Variants in RAI1 observed in about 807,000 individuals in gnomAD.
RAI1 encodes the protein retinoic acid-induced protein 1.
RAI1 carries 9 observed loss-of-function variants against 123.8 expected under a neutral mutation model. The ratio of observed to expected loss-of-function variants is 0.07; its 90% CI spans 0.04 to 0.13. The LOEUF (loss-of-function observed/expected upper bound fraction) is 0.13, where lower values mean the gene tolerates loss of function less well. Among genes scored for constraint, RAI1 ranks in the 10% least tolerant of loss-of-function variants. RAI1 has a pLI of 1.00. For synonymous variants in RAI1, 1,231 were observed against 1,127.3 expected, an observed-to-expected ratio of 1.09 and a Z score of -1.84; for missense variants, 2,256 against 2,545.8, an observed-to-expected ratio of 0.89 and a Z score of 2.45.
chr17:17,695,677 C>A (rs1251721719), intron 1 of RAI1, among the ~76,000 whole-genome samples: 1 of 152,182 alleles, frequency 6.6e-6, no homozygotes, highest in African/African-American at 2.4e-5. Context: ...CAGGCACTTA[C>A]CACGGCTAAT....
intron 4 of RAI1, among the ~76,000 whole-genome samples, chr17:17,806,434 C>T (rs1209168573): frequency 6.6e-6 from 1 of 152,194 alleles, no homozygotes; most frequent in East Asian, 1.9e-4. Flanking sequence ...GGCACAGAAT[C>T]CATGGGACTT....
At position 17,794,687 on chromosome 17, in the gene RAI1, C is replaced by T. The variant is rs200760499; in HGVS notation, c.1739C>T (p.Pro580Leu). The T allele has an allele frequency of 8.7e-6, 14 of 1,612,770 alleles. No homozygotes were observed. Among genetic ancestry groups the T allele is most frequent in the South Asian group, 2.2e-5 (2 of 91,090 alleles). ...DSFQSLHGSL[P>L]LDSFSKFVAG... ...TTCCAGAGCCTACACGGCAGTCTGC[C>T]GCTCGACAGCTTCTCCAAGTTCGTG... Residue 580 changes from proline to leucine, a missense_variant, in exon 3 of 6, where the codon CCG becomes CTG. Physicochemically the swap from Pro to Leu is moderately conservative, Grantham distance 98. Around this residue, in one of 7 missense-constraint regions of RAI1, gnomAD observed 357 missense variants for 480.2 expected, o/e 0.74. Coordinates refer to ENST00000353383, the MANE Select transcript of RAI1 (RefSeq NM_030665.4).
intron 1 of RAI1, among the ~76,000 whole-genome samples, chr17:17,689,424 C>T (rs1375337726): frequency 1.3e-5 from 2 of 152,148 alleles, no homozygotes; most frequent in African/African-American, 4.8e-5. Context: ...TACTAGTTTT[C>T]TGGCCAGAGT....
At chr17:17,711,700 TGG>T (rs1915572243) in intron 1 of RAI1, among the ~76,000 whole-genome samples, 1 of 151,796 alleles carries the variant, frequency 6.6e-6, no homozygotes, top group Non-Finnish European at 1.5e-5. Flanking sequence ...GTAGGGACCC[TGG>T]GAAGGTCCCA....
Position 17,797,189 on chromosome 17 carries a change from A to G in RAI1, c.4241A>G (p.Asn1414Ser). The change falls in exon 3 of 6, where the codon AAC becomes AGC. Residue 1414 changes from asparagine (N) to serine (S), a missense_variant. By Grantham distance (46) the Asn-to-Ser change is conservative. Transcript: ENST00000353383. ...AGATCCTTAAAAGGCAAACTCATGA[A>G]CAGTAAGAAACTGTCTTCTACTGAC... Reference protein sequence around the residue: ...TNRSLKGKLMNSKKLSSTDCF... With the variant: ...TNRSLKGKLMSSKKLSSTDCF... 6.2e-7 allele frequency: 1 copy of G among 1,613,900 alleles called. No homozygotes were observed. The highest frequency in any genetic ancestry group is 8.5e-7 in the Non-Finnish European group (1 of 1,180,038).
chr17:17,713,641 C>T (rs559292422), intron 1 of RAI1, among the ~76,000 whole-genome samples: 1,695 of 143,900 alleles, frequency 0.012, 18 homozygotes, highest in African/African-American at 0.032. Flanking sequence ...AACTCCATCT[C>T]AAAAAATAAA....
intron 2 of RAI1, among the ~76,000 whole-genome samples, chr17:17,745,591 T>G (rs1020700409): frequency 2.6e-4 from 40 of 152,038 alleles, no homozygotes; most frequent in African/African-American, 9.2e-4. Flanking sequence ...AAAGACAGGG[T>G]TTCACCATGT....
At position 17,793,332 on chromosome 17, in the gene RAI1, C is replaced by T; in HGVS notation, c.384C>T (p.Pro128=). The part of the protein sequence containing the change: ...LQAWGAPQPP[P]PQPQPLPAGV... Reference sequence around the variant, plus strand: ...CTTGGGGGGCCCCACAGCCACCACCCCCACAGCCGCAGCCACTACCTGCAG... The same window carrying T: ...CTTGGGGGGCCCCACAGCCACCACCTCCACAGCCGCAGCCACTACCTGCAG... The change falls in exon 3 of 6, where the codon CCC becomes CCT. Residue 128 remains proline, a synonymous_variant. Transcript: ENST00000353383. The T allele has an allele frequency of 6.2e-7, 1 of 1,612,652 alleles. No homozygotes were observed. The highest frequency in any genetic ancestry group is 8.5e-7 in the Non-Finnish European group (1 of 1,179,784).
At chr17:17,745,057 C>T (rs1271711355) in intron 2 of RAI1, among the ~76,000 whole-genome samples, 1 of 152,028 alleles carries the variant, frequency 6.6e-6, no homozygotes, top group Non-Finnish European at 1.5e-5. Flanking sequence ...ATGACCCCTC[C>T]ATGGGGAGTG....
rs185419722 is a variant in RAI1, at chr17:17,785,210, G to T, written c.-16-7723G>T. Among the ~76,000 whole-genome samples, 8 of 152,348 alleles carry T rather than the reference G, an allele frequency of 5.3e-5. No individual in the cohort carries two copies. The East Asian group carries it at 1.5e-3, about 29-fold the overall frequency. On this transcript the variant is annotated intron_variant, in intron 2 of 5. Transcript: ENST00000353383. ...GGCACTAGGGGCTCTGGAGGAGACA[G>T]CACACACTTTGTCTCTCCTTCCTGA...
Position 17,801,124 on chromosome 17 carries a change from C to T in RAI1, c.5565+2611C>T, listed in dbSNP as rs150600863. On this transcript the variant is annotated intron_variant, in intron 3 of 5. Transcript: ENST00000353383. This position sits in a 1 kb window ranked among gnomAD's most constrained non-coding sequence, Gnocchi z 4.1. The stretch of plus-strand genomic sequence containing the variant: ...AGCTCTCAGGGATACCTTTTTTCCT[C>T]GATGGCCTTTTCTGGGAACTGCCCT... 5.9e-5 allele frequency among the ~76,000 whole-genome samples: 9 copies of T among 152,242 alleles called. No homozygotes were observed. The highest frequency in any genetic ancestry group is 1.4e-4 in the African/African-American group (6 of 41,532).
rs568617634 is a variant in RAI1 at position 17,775,694 on chromosome 17, C to G, written c.-16-17239C>G. 1.2e-3 allele frequency among the ~76,000 whole-genome samples: 178 copies of G among 151,926 alleles called. 1 individual carries two copies. The highest frequency in any genetic ancestry group is 4.1e-3 in the African/African-American group (171 of 41,402). On this transcript the variant is annotated intron_variant, in intron 2 of 5. Coordinates refer to ENST00000353383, the MANE Select transcript of RAI1 (RefSeq NM_030665.4). ...TCATCGTGAAGGTCTTCATCCTCGCCGTCTTTGTATTGAGTAGACTGGGGC... is the reference window on the plus strand; with the variant it reads ...TCATCGTGAAGGTCTTCATCCTCGCGGTCTTTGTATTGAGTAGACTGGGGC...
chr17:17,805,487 C>G (rs988423741), intron 4 of RAI1, among the ~76,000 whole-genome samples: 5 of 152,154 alleles, frequency 3.3e-5, no homozygotes, highest in Admixed American at 6.5e-5. Flanking sequence ...TCCAGGCCCC[C>G]CCAGGCTCCC....
At chr17:17,708,406 A>G (rs988461413) in intron 1 of RAI1, among the ~76,000 whole-genome samples, 5 of 134,012 alleles carry the variant, frequency 3.7e-5, no homozygotes, top group Non-Finnish European at 8.2e-5. Flanking sequence ...TCTCATATAT[A>G]TATATACACA....
chr17:17,752,476 G>C lies in RAI1; in HGVS notation c.-17+28317G>C, dbSNP rs913530593. ...GCGGCTGGAAAGGGGCGGGGCTTCC[G>C]GAACAGCCGCCCCGGGAGCCTGGGA... On this transcript the variant is annotated intron_variant, in intron 2 of 5. Coordinates refer to ENST00000353383, the MANE Select transcript of RAI1 (RefSeq NM_030665.4). Among the ~76,000 whole-genome samples, 3 of 152,192 alleles carry C rather than the reference G, an allele frequency of 2.0e-5. No individual in the cohort carries two copies. In the South Asian group the frequency reaches 6.2e-4, roughly 31 times the overall value.
At chr17:17,699,634 G>GC (rs993470665) in intron 1 of RAI1, among the ~76,000 whole-genome samples, 3 of 149,826 alleles carry the variant, frequency 2.0e-5, no homozygotes, top group Admixed American at 6.6e-5. Flanking sequence ...GGGGCCGGGG[G>GC]GGGGGGAATC....
At chr17:17,806,839 C>G (rs898932658) in intron 4 of RAI1, among the ~76,000 whole-genome samples, 3 of 152,176 alleles carry the variant, frequency 2.0e-5, no homozygotes, top group Non-Finnish European at 4.4e-5. Context: ...AAGTCCAGCA[C>G]AGAGAAGTGC....
In RAI1 at chr17:17,714,749, G is replaced by A. The variant is rs1369195319; in HGVS notation, c.-148-9279G>A. On this transcript the variant is annotated intron_variant, in intron 1 of 5. Coordinates refer to ENST00000353383, the MANE Select transcript of RAI1 (RefSeq NM_030665.4). The surrounding 1 kb of genome is among the most constrained non-coding windows in gnomAD (Gnocchi z 4.9). ...TGCAGAAGGGCACAGAAGCAGGACT[G>A]GAAGGAAATCCTGGTTGTGGGCTGA... Among the ~76,000 whole-genome samples, 1 of 152,216 alleles carries A rather than the reference G, an allele frequency of 6.6e-6. No individual in the cohort carries two copies. The highest frequency in any genetic ancestry group is 1.9e-4 in the East Asian group (1 of 5,204).
At chr17:17,682,988 C>T (rs1196330997) in intron 1 of RAI1, among the ~76,000 whole-genome samples, 4 of 152,172 alleles carry the variant, frequency 2.6e-5, no homozygotes, top group Non-Finnish European at 5.9e-5. Flanking sequence ...CACTCTCCCG[C>T]GCCGCCTTCC....
Sources: gnomAD v4.1 joint callset for allele counts (sites outside exome capture counted in the v4.1 genomes callset) on GRCh38, gnomAD v4.1.1 for gene constraint, gnomAD v4.1.1 regional missense constraint, Gnocchi (gnomAD v3.1) non-coding constraint, MANE v1.5 for transcripts, NCBI Gene and HGNC (gene_info 2026-07-23, HGNC 2026-07-21) for gene names.